Variants in TAFA2 observed in about 807,000 individuals in gnomAD.
TAFA2 encodes the protein TAFA chemokine like family member 2.
A neutral mutation model predicts 18.8 loss-of-function variants in TAFA2; 7 were observed. The observed-to-expected ratio is 0.37, with a 90% CI of 0.21 to 0.70. TAFA2 has a LOEUF of 0.70. Among genes scored for constraint, TAFA2 ranks in the 30% least tolerant of loss-of-function variants. TAFA2 has a pLI of 0.53. For missense variants in TAFA2, 122 were observed against 158.1 expected (o/e 0.77, Z 1.23); for synonymous variants, 60 against 54.2 (o/e 1.11, Z -0.47).
chr12:61,781,173 A>G (rs1263179965), intron 2 of TAFA2, among the ~76,000 whole-genome samples: 1 of 151,770 alleles, frequency 6.6e-6, no homozygotes, highest in African/African-American at 2.4e-5. Flanking sequence ...GCAGGTATAA[A>G]TGGGTCATTG....
At chr12:61,825,563 T>C (rs1872510013) in intron 2 of TAFA2, among the ~76,000 whole-genome samples, 1 of 151,916 alleles carries the variant, frequency 6.6e-6, no homozygotes, top group African/African-American at 2.4e-5. Flanking sequence ...GAGTGTTGGG[T>C]TTATGATGGG....
chr12:61,825,561 G>T (rs1406570939), intron 2 of TAFA2, among the ~76,000 whole-genome samples: 7 of 151,948 alleles, frequency 4.6e-5, no homozygotes, highest in Admixed American at 4.6e-4. Flanking sequence ...ATGAGTGTTG[G>T]GTTTATGATG....
intron 1 of TAFA2, among the ~76,000 whole-genome samples, chr12:62,201,688 TTTG>T (rs757620681): frequency 2.0e-5 from 3 of 152,166 alleles, no homozygotes; most frequent in African/African-American, 4.8e-5. Context: ...TGGCCTGAAC[TTTG>T]TTGTTGTTGT....
chr12:61,870,661 C>T (rs1874559741), intron 1 of TAFA2, among the ~76,000 whole-genome samples: 1 of 152,120 alleles, frequency 6.6e-6, no homozygotes, highest in Admixed American at 6.5e-5. Context: ...ATTTTTAACC[C>T]TAGAAAATTT....
chr12:62,249,795 GAGCA>G (rs1331400270), intron 1 of TAFA2, among the ~76,000 whole-genome samples: 2 of 152,072 alleles, frequency 1.3e-5, no homozygotes, highest in Admixed American at 1.3e-4. Flanking sequence ...TTTTCTTTAA[GAGCA>G]AGAGTTTCCA....
chr12:61,787,339 A>G (rs1469533669), intron 2 of TAFA2, among the ~76,000 whole-genome samples: 2 of 151,642 alleles, frequency 1.3e-5, no homozygotes, highest in African/African-American at 4.8e-5. Flanking sequence ...GCCAAGAACA[A>G]TAATTACTAT....
rs1036588834 is a variant in TAFA2 at position 62,227,317 on chromosome 12, G to A, written c.-130+31446C>T. 4.6e-5 allele frequency among the ~76,000 whole-genome samples: 7 copies of A among 152,256 alleles called. No homozygotes were observed. The South Asian group carries it at 8.3e-4, about 18-fold the overall frequency. ...AAAGCCTGCTCTGAACTTCCTGGTCGGAGTAAGTATGCAGTCCTACTGTGT... is the reference window on the plus strand; with the variant it reads ...AAAGCCTGCTCTGAACTTCCTGGTCAGAGTAAGTATGCAGTCCTACTGTGT... On this transcript the variant is annotated intron_variant, in intron 1 of 5. Transcript: ENST00000551619.
intron 2 of TAFA2, among the ~76,000 whole-genome samples, chr12:61,845,687 G>T (rs1380604367): frequency 6.6e-6 from 1 of 152,148 alleles, no homozygotes. Flanking sequence ...ATTTTCCAAA[G>T]AGACTATCTT....
intron 1 of TAFA2, among the ~76,000 whole-genome samples, chr12:61,963,765 A>G: frequency 6.6e-6 from 1 of 152,180 alleles, no homozygotes; most frequent in East Asian, 1.9e-4. Flanking sequence ...GAGCCCCTGT[A>G]GCCAAGACAA....
At chr12:61,904,492 G>C (rs1010224226) in intron 1 of TAFA2, among the ~76,000 whole-genome samples, 1 of 152,124 alleles carries the variant, frequency 6.6e-6, no homozygotes, top group Non-Finnish European at 1.5e-5. Context: ...TGTGGTAGGT[G>C]CTAGGGCTCT....
intron 1 of TAFA2, among the ~76,000 whole-genome samples, chr12:61,888,430 T>C (rs1381621156): frequency 6.6e-6 from 1 of 152,046 alleles, no homozygotes; most frequent in Non-Finnish European, 1.5e-5. Context: ...AATTCAAATC[T>C]TAACTGTACC....
intron 1 of TAFA2, among the ~76,000 whole-genome samples, chr12:62,043,041 G>T (rs1379274430): frequency 6.6e-6 from 1 of 152,056 alleles, no homozygotes; most frequent in Non-Finnish European, 1.5e-5. Flanking sequence ...AAGGACAAAA[G>T]TAACATTTAT....
At chr12:61,957,097 G>A (rs74539944) in intron 1 of TAFA2, among the ~76,000 whole-genome samples, 1,774 of 152,206 alleles carry the variant, frequency 0.012, 36 homozygotes, top group Non-Finnish European at 0.011. Context: ...GCAGTTAAAT[G>A]TAAGTTCTGA....
At chr12:61,932,163 C>A (rs138568436) in intron 1 of TAFA2, among the ~76,000 whole-genome samples, 2 of 151,988 alleles carry the variant, frequency 1.3e-5, no homozygotes, top group African/African-American at 2.4e-5. Flanking sequence ...AGGGAGAAAA[C>A]CAGATTTTAG....
chr12:62,025,720 C>G (rs1287165363), intron 1 of TAFA2, among the ~76,000 whole-genome samples: 1 of 151,998 alleles, frequency 6.6e-6, no homozygotes, highest in Non-Finnish European at 1.5e-5. Flanking sequence ...ATAAGCCTTG[C>G]ATTTTAAAGG....
At chr12:61,778,711 C>T (rs1279332892) in intron 2 of TAFA2, among the ~76,000 whole-genome samples, 3 of 151,862 alleles carry the variant, frequency 2.0e-5, no homozygotes, top group Non-Finnish European at 4.4e-5. Context: ...GTTTGAGCTC[C>T]GGCTCTCTCA....
At chr12:62,226,030 G>T (rs1223019222) in intron 1 of TAFA2, among the ~76,000 whole-genome samples, 1 of 152,114 alleles carries the variant, frequency 6.6e-6, no homozygotes, top group Non-Finnish European at 1.5e-5. Context: ...TTTAGGTTTT[G>T]CCCCTCAGGT....
intron 1 of TAFA2, among the ~76,000 whole-genome samples, chr12:62,158,523 C>T (rs2062386444): frequency 6.6e-6 from 1 of 152,136 alleles, no homozygotes. Flanking sequence ...TCAATGGAAA[C>T]AGTGTAAAGT....
intron 1 of TAFA2, among the ~76,000 whole-genome samples, chr12:61,963,306 T>C (rs561828961): frequency 6.6e-6 from 1 of 151,958 alleles, no homozygotes; most frequent in African/African-American, 2.4e-5. Context: ...CACACTATCT[T>C]CCACAATGGT....
Sources: gnomAD v4.1 joint callset for allele counts (sites outside exome capture counted in the v4.1 genomes callset) on GRCh38, gnomAD v4.1.1 for gene constraint, MANE v1.5 for transcripts, NCBI Gene and HGNC (gene_info 2026-07-23, HGNC 2026-07-21) for gene names.